Variants in AUTS2 observed in about 807,000 individuals in gnomAD.
AUTS2 encodes the protein activator of transcription and developmental regulator AUTS2, also known as autism susceptibility gene 2 protein.
Under a neutral mutation model 112.4 loss-of-function variants are expected in AUTS2, and 17 were observed. The observed-to-expected ratio is 0.15, with a 90% CI of 0.10 to 0.23. The LOEUF (loss-of-function observed/expected upper bound fraction) is 0.23, where lower values mean the gene tolerates loss of function less well. Among genes scored for constraint, AUTS2 ranks in the 10% least tolerant of loss-of-function variants. The pLI, the probability that AUTS2 is intolerant of heterozygous loss-of-function variation, is 1.00. For missense variants in AUTS2, 1,510 were observed against 1,701.6 expected, an observed-to-expected ratio of 0.89 and a Z score of 1.98; for synonymous variants, 751 against 702.7, an observed-to-expected ratio of 1.07 and a Z score of -1.09.
intron 1 of AUTS2, 29 bp from the exon 2 acceptor site, chr7:69,899,257 C>T: frequency 1.3e-6 from 2 of 1,567,094 alleles, no homozygotes; most frequent in South Asian, 1.1e-5. Context: ...GTAACCACCA[C>T]TTCCCTTTCC....
chr7:69,614,371 TAAGAGATGGGATCTCA>T (rs1793245863), intron 1 of AUTS2, among the ~76,000 whole-genome samples: 5 of 90,068 alleles, frequency 5.6e-5, no homozygotes, highest in Non-Finnish European at 1.2e-4. Context: ...TTTCTTTTTT[TAAGAGATGGGATCTCA>T]CTCTGTTTCC....
At chr7:70,361,367 A>C (rs1792257674) in intron 4 of AUTS2, among the ~76,000 whole-genome samples, 1 of 151,990 alleles carries the variant, frequency 6.6e-6, no homozygotes, top group African/African-American at 2.4e-5. Flanking sequence ...AAATCAAGTC[A>C]GATAATGACG....
rs766569162 is a variant in AUTS2 at position 70,134,571 on chromosome 7, C to T, written c.660C>T (p.Phe220=). 9.9e-6 allele frequency: 16 copies of T among 1,613,376 alleles called. No individual in the cohort carries two copies. Among genetic ancestry groups the T allele is most frequent in the Admixed American group, 1.7e-5 (1 of 59,964 alleles). ...CTTCCAGCTTGGGAACAGGCTACTT[C>T]GTAAGTCTATCTCAACTTCCACATA... ...SAPSSLGTGY[F]CDSDSDQEEK... is the part of the protein sequence containing the mutation. The change falls in exon 4 of 19, where the codon TTC becomes TTT. Residue 220 remains phenylalanine, a splice_region_variant and synonymous_variant. Transcript: ENST00000342771.
intron 2 of AUTS2, among the ~76,000 whole-genome samples, chr7:70,100,846 C>T (rs773142034): frequency 1.3e-5 from 2 of 152,056 alleles, no homozygotes; most frequent in African/African-American, 4.8e-5. Context: ...TAGGTAATCA[C>T]AGTAAAGTAG....
chr7:70,363,378 G>A (rs528138947), intron 4 of AUTS2, among the ~76,000 whole-genome samples: 21 of 139,624 alleles, frequency 1.5e-4, no homozygotes, highest in South Asian at 1.5e-3. Flanking sequence ...TGGGTGCAGC[G>A]CACCAGCATG....
chr7:69,933,655 C>A (rs1276693770), intron 2 of AUTS2, among the ~76,000 whole-genome samples: 1 of 151,956 alleles, frequency 6.6e-6, no homozygotes, highest in African/African-American at 2.4e-5. Context: ...CTTTCCCTTC[C>A]TTTTTTTGTT....
intron 4 of AUTS2, among the ~76,000 whole-genome samples, chr7:70,174,156 G>A (rs1341701379): frequency 6.6e-6 from 1 of 152,216 alleles, no homozygotes; most frequent in African/African-American, 2.4e-5. Flanking sequence ...GTGAACACAT[G>A]AGTGATAAGA....
intron 2 of AUTS2, among the ~76,000 whole-genome samples, chr7:70,021,180 G>A (rs375078647): frequency 6.6e-6 from 1 of 151,514 alleles, no homozygotes; most frequent in Non-Finnish European, 1.5e-5. Context: ...CGGGGTTTCT[G>A]TATGTTGGTC....
rs200011798 is a variant in AUTS2, at chr7:70,364,566, A to AAAATAAATAAAT, written c.661-71146_661-71135dup. Among the ~76,000 whole-genome samples, 405 of 138,098 alleles carry AAAATAAATAAAT rather than the reference A, an allele frequency of 2.9e-3. 2 individuals are homozygous for AAAATAAATAAAT. The highest frequency in any genetic ancestry group is 9.1e-3 in the East Asian group (42 of 4,636). The allele number at this position is 138,098 out of a possible 152,430, so 90.6% of individuals were successfully genotyped here. Reference sequence around the variant, plus strand: ...GGTGACAAAGCAAGACTCTGTCTCAAAAATAAATAAATAAATAAATAAATA... The same window carrying AAAATAAATAAAT: ...GGTGACAAAGCAAGACTCTGTCTCAAAAATAAATAAATAAATAAATAAATAAATAAATAAATA... On this transcript the variant is annotated intron_variant, in intron 4 of 18. Coordinates refer to ENST00000342771, the MANE Select transcript of AUTS2 (RefSeq NM_015570.4).
chr7:70,672,162 G>A (rs935008992), intron 5 of AUTS2, among the ~76,000 whole-genome samples: 2 of 152,334 alleles, frequency 1.3e-5, no homozygotes, highest in East Asian at 1.9e-4. Context: ...TCCACCAAAT[G>A]AGTTGGAGAT....
At chr7:70,643,150 C>T (rs1035385964) in intron 5 of AUTS2, among the ~76,000 whole-genome samples, 8 of 152,360 alleles carry the variant, frequency 5.3e-5, no homozygotes, top group Non-Finnish European at 8.8e-5. Context: ...TCTGATGGCT[C>T]TCGCCACTTT....
intron 1 of AUTS2, among the ~76,000 whole-genome samples, chr7:69,840,806 A>C (rs1791944780): frequency 6.6e-6 from 1 of 152,192 alleles, no homozygotes; most frequent in Admixed American, 6.5e-5. Flanking sequence ...TAGTTCTTTC[A>C]TGATTGGTAA....
chr7:70,791,137 CA>C lies in AUTS2; in HGVS notation c.*142del. On this transcript the variant is annotated 3_prime_UTR_variant, in exon 19 of 19. Coordinates refer to ENST00000342771, the MANE Select transcript of AUTS2 (RefSeq NM_015570.4). ...TCCCCTTGTAAAAAATGTATAGACT[CA>C]GTGCACATTTTGAAATGTTTTGTAT... is the stretch of plus-strand genomic sequence containing the variant. The C allele has an allele frequency of 1.3e-6, 1 of 797,432 alleles. No homozygotes were observed. Among genetic ancestry groups the C allele is most frequent in the Non-Finnish European group, 1.7e-6 (1 of 577,302 alleles). The allele number at this position is 797,432 out of a possible 1,614,324, so 49.4% of individuals were successfully genotyped here.
chr7:70,641,664 A>G (rs1299352958), intron 5 of AUTS2, among the ~76,000 whole-genome samples: 1 of 152,180 alleles, frequency 6.6e-6, no homozygotes, highest in Non-Finnish European at 1.5e-5. Context: ...TCCTGGATCC[A>G]TGGGAGGCCG....
chr7:69,909,952 C>G (rs994680156), intron 2 of AUTS2, among the ~76,000 whole-genome samples: 1 of 152,004 alleles, frequency 6.6e-6, no homozygotes, highest in East Asian at 1.9e-4. Flanking sequence ...TCAAATTTTC[C>G]TAAGAAATGA....
intron 4 of AUTS2, among the ~76,000 whole-genome samples, chr7:70,416,002 CAA>C (rs1267702471): frequency 6.6e-6 from 1 of 152,200 alleles, no homozygotes; most frequent in African/African-American, 2.4e-5. Flanking sequence ...CTTTGCCACT[CAA>C]GAGTGGTTCT....
chr7:70,717,191 G>A (rs1023532619), intron 6 of AUTS2, among the ~76,000 whole-genome samples: 10 of 151,722 alleles, frequency 6.6e-5, no homozygotes, highest in African/African-American at 2.4e-4. Context: ...ATATATACGT[G>A]CGTGCCACCA....
At chr7:69,966,357 A>C (rs927325012) in intron 2 of AUTS2, among the ~76,000 whole-genome samples, 5 of 152,172 alleles carry the variant, frequency 3.3e-5, no homozygotes, top group African/African-American at 1.2e-4. Context: ...AAAGCCACCC[A>C]CTAGCTATAA....
intron 4 of AUTS2, among the ~76,000 whole-genome samples, chr7:70,338,843 T>TATTC (rs1301199265): frequency 1.4e-5 from 2 of 144,724 alleles, no homozygotes; most frequent in Non-Finnish European, 3.0e-5. Context: ...CTTATTTATT[T>TATTC]ATTTATTTAT....
Sources: gnomAD v4.1 joint callset for allele counts (sites outside exome capture counted in the v4.1 genomes callset) on GRCh38, gnomAD v4.1.1 for gene constraint, MANE v1.5 for transcripts, NCBI Gene and HGNC (gene_info 2026-07-23, HGNC 2026-07-21) for gene names.